Variants in SDCCAG8 observed in about 807,000 individuals in gnomAD.
The protein encoded by SDCCAG8 is serologically defined colon cancer antigen 8.
SDCCAG8 carries 74 observed loss-of-function variants against 101.8 expected under a neutral mutation model. The ratio of observed to expected loss-of-function variants is 0.73; its 90% CI spans 0.60 to 0.88. SDCCAG8 has a LOEUF of 0.88. SDCCAG8 is among the 40% of genes least tolerant of loss of function. The probability of loss-of-function intolerance (pLI) is 0.00; values close to 1 mark genes in which losing one functional copy is unlikely to be tolerated. For synonymous variants in SDCCAG8, 281 were observed against 292.9 expected (o/e 0.96, Z 0.41); for missense variants, 787 against 822.6 (o/e 0.96, Z 0.53).
At chr1:243,460,533 C>A (rs1658864767) in intron 16 of SDCCAG8, among the ~76,000 whole-genome samples, 1 of 152,192 alleles carries the variant, frequency 6.6e-6, no homozygotes, top group African/African-American at 2.4e-5. Context: ...TTTTGAAGAA[C>A]ATCTGATTGG....
In SDCCAG8 at chr1:243,402,963, TATA is replaced by T. The variant is rs572169973; in HGVS notation, c.1617-12734_1617-12732del. ...GTGATTAAATATACCAGCATCACATTATAATAAGTTCTTCTATATCTTACTCTC... is the reference window on the plus strand; with the variant it reads ...GTGATTAAATATACCAGCATCACATTATAAGTTCTTCTATATCTTACTCTC... On this transcript the variant is annotated intron_variant, in intron 13 of 17. Transcript: ENST00000366541. Among the ~76,000 whole-genome samples the T allele has an allele frequency of 9.8e-5, 15 of 152,324 alleles. No homozygotes were observed. The South Asian group carries it at 2.7e-3, about 27-fold the overall frequency.
At chr1:243,377,366 T>A (rs2077657440) in intron 12 of SDCCAG8, among the ~76,000 whole-genome samples, 1 of 151,972 alleles carries the variant, frequency 6.6e-6, no homozygotes, top group African/African-American at 2.4e-5. Flanking sequence ...AATTATGAAA[T>A]TGGAAATATA....
chr1:243,417,942 T>A, intron 14 of SDCCAG8, 26 bp from the exon 15 acceptor site: 1 of 1,502,926 alleles, frequency 6.7e-7, no homozygotes, highest in Non-Finnish European at 9.3e-7. Context: ...CATCTTATGT[T>A]GGTGGGGGTT....
At chr1:243,472,032 T>G (rs1363171877) in intron 16 of SDCCAG8, among the ~76,000 whole-genome samples, 1 of 152,194 alleles carries the variant, frequency 6.6e-6, no homozygotes, top group Non-Finnish European at 1.5e-5. Flanking sequence ...CAGTGAGACC[T>G]CACAACTAGA....
chr1:243,335,264 C>T (rs1408859595), intron 10 of SDCCAG8, among the ~76,000 whole-genome samples: 2 of 152,002 alleles, frequency 1.3e-5, no homozygotes, highest in South Asian at 4.1e-4. Flanking sequence ...GGTTTAGAAA[C>T]GCAGAGTATG....
At chr1:243,286,146 T>C in intron 4 of SDCCAG8, 126 bp from the exon 5 acceptor site, 1 of 1,016,350 alleles carries the variant, frequency 9.8e-7, no homozygotes, top group Non-Finnish European at 1.5e-6. Context: ...TCTAAACATA[T>C]AATTATATTT....
At chr1:243,381,258 T>TACC (rs1017870600) in intron 13 of SDCCAG8, among the ~76,000 whole-genome samples, 10 of 152,146 alleles carry the variant, frequency 6.6e-5, no homozygotes, top group Non-Finnish European at 1.0e-4. Flanking sequence ...AAAAATAGCC[T>TACC]ACCACTTTTT....
At chr1:243,397,228 A>G (rs772527288) in intron 13 of SDCCAG8, among the ~76,000 whole-genome samples, 19 of 152,210 alleles carry the variant, frequency 1.2e-4, no homozygotes, top group Non-Finnish European at 2.4e-4. Context: ...TCACAAAGCA[A>G]AACTGCACAG....
intron 16 of SDCCAG8, among the ~76,000 whole-genome samples, chr1:243,437,739 C>T (rs1300332534): frequency 1.3e-5 from 2 of 152,018 alleles, no homozygotes; most frequent in Admixed American, 6.6e-5. Context: ...GGGGTTTCAC[C>T]GTGTTAGCCA....
chr1:243,494,963 A>G (rs1667416759), intron 17 of SDCCAG8, among the ~76,000 whole-genome samples: 1 of 152,234 alleles, frequency 6.6e-6, no homozygotes, highest in Non-Finnish European at 1.5e-5. Context: ...AGGCAGCCAG[A>G]GGCTCCACTC....
chr1:243,323,259 A>G (rs1199591498), intron 9 of SDCCAG8, among the ~76,000 whole-genome samples: 1 of 151,540 alleles, frequency 6.6e-6, no homozygotes, highest in African/African-American at 2.4e-5. Flanking sequence ...CTAGTCAGGA[A>G]CTCCACTTTC....
At chr1:243,374,776 T>G (rs1189871689) in intron 12 of SDCCAG8, among the ~76,000 whole-genome samples, 1 of 151,916 alleles carries the variant, frequency 6.6e-6, no homozygotes, top group Non-Finnish European at 1.5e-5. Flanking sequence ...TAAAAGAGCA[T>G]AGGGAAGGCT....
chr1:243,442,370 G>C (rs1355775542), intron 16 of SDCCAG8, among the ~76,000 whole-genome samples: 1 of 152,140 alleles, frequency 6.6e-6, no homozygotes, highest in African/African-American at 2.4e-5. Flanking sequence ...GAGGAGATTT[G>C]TTTGACGTCA....
At chr1:243,358,723 T>A (rs1418332060) in intron 12 of SDCCAG8, among the ~76,000 whole-genome samples, 1 of 152,148 alleles carries the variant, frequency 6.6e-6, no homozygotes, top group Admixed American at 6.5e-5. Flanking sequence ...AACTGATGAA[T>A]GGATAAATAA....
rs146658691 is a variant in SDCCAG8 at position 243,467,792 on chromosome 1, G to A, written c.1986-21222G>A. ...TGTGAAGCATTGAAACGCATGTCACGTCCTGCCATCTTATAAAGAACACTG... is the reference window on the plus strand; with the variant it reads ...TGTGAAGCATTGAAACGCATGTCACATCCTGCCATCTTATAAAGAACACTG... On this transcript the variant is annotated intron_variant, in intron 16 of 17. Coordinates refer to ENST00000366541, the MANE Select transcript of SDCCAG8 (RefSeq NM_006642.5). Among the ~76,000 whole-genome samples, 277 of 152,248 alleles carry A rather than the reference G, an allele frequency of 1.8e-3. 1 individual carries two copies. The highest frequency in any genetic ancestry group is 6.1e-3 in the African/African-American group (253 of 41,542).
At chr1:243,344,722 G>A (rs2075598471) in intron 12 of SDCCAG8, among the ~76,000 whole-genome samples, 2 of 152,158 alleles carry the variant, frequency 1.3e-5, no homozygotes, top group Non-Finnish European at 2.9e-5. Context: ...GATGAGATGA[G>A]TTGATATGTA....
chr1:243,423,041 A>G (rs1172555474), intron 15 of SDCCAG8, among the ~76,000 whole-genome samples: 1 of 152,172 alleles, frequency 6.6e-6, no homozygotes, highest in African/African-American at 2.4e-5. Flanking sequence ...CTAGGAACAT[A>G]TCGTGAGCTG....
intron 7 of SDCCAG8, chr1:243,305,467 AAT>A (rs1194040564): frequency 6.6e-6 from 1 of 152,116 alleles, no homozygotes; most frequent in African/African-American, 2.4e-5. Context: ...ATGATAATAT[AAT>A]AGTTTGAGTA....
At chr1:243,477,841 G>C (rs1241452044) in intron 16 of SDCCAG8, among the ~76,000 whole-genome samples, 1 of 152,192 alleles carries the variant, frequency 6.6e-6, no homozygotes, top group Non-Finnish European at 1.5e-5. Flanking sequence ...CCAGTCTGTG[G>C]ATGAGATCAA....
Sources: gnomAD v4.1 joint callset for allele counts (sites outside exome capture counted in the v4.1 genomes callset) on GRCh38, gnomAD v4.1.1 for gene constraint, MANE v1.5 for transcripts, NCBI Gene and HGNC (gene_info 2026-07-23, HGNC 2026-07-21) for gene names.